SHC4: variants seen among roughly 807,000 people sequenced by gnomAD.
The protein encoded by SHC4 is SHC-transforming protein 4.
Under a neutral mutation model 69.4 loss-of-function variants are expected in SHC4, and 41 were observed. The observed-to-expected ratio is 0.59, with a 90% CI of 0.46 to 0.77. The LOEUF (loss-of-function observed/expected upper bound fraction) is 0.77. Among genes scored for constraint, SHC4 ranks in the 30% least tolerant of loss-of-function variants. The probability of loss-of-function intolerance (pLI) is 0.00; values close to 1 mark genes in which losing one functional copy is unlikely to be tolerated. For missense variants in SHC4, 777 were observed against 783.8 expected, an observed-to-expected ratio of 0.99 and a Z score of 0.10; for synonymous variants, 318 against 299.3, an observed-to-expected ratio of 1.06 and a Z score of -0.64.
intron 1 of SHC4, among the ~76,000 whole-genome samples, chr15:48,936,142 T>C (rs1445439094): frequency 1.3e-5 from 2 of 152,106 alleles, no homozygotes; most frequent in Admixed American, 6.6e-5. Flanking sequence ...TTTTGGTTGA[T>C]TGAATTTGAA....
At chr15:48,829,792 C>T (rs1898762557) in intron 11 of SHC4, among the ~76,000 whole-genome samples, 1 of 152,054 alleles carries the variant, frequency 6.6e-6, no homozygotes, top group Non-Finnish European at 1.5e-5. Context: ...GGTGGCGCAC[C>T]CCTGTGGTCC....
chr15:48,950,427 A>T (rs12915257), intron 1 of SHC4, among the ~76,000 whole-genome samples: 14,938 of 152,020 alleles, frequency 0.098, 927 homozygotes, highest in East Asian at 0.19. Flanking sequence ...ACTGATGTAT[A>T]TGACTGTGTC....
chr15:48,930,908 C>T (rs1264175854), intron 1 of SHC4, among the ~76,000 whole-genome samples: 1 of 152,208 alleles, frequency 6.6e-6, no homozygotes, highest in Non-Finnish European at 1.5e-5. Flanking sequence ...CATGCCTCAA[C>T]TCACAATAGT....
At chr15:48,913,268 T>A (rs1567068188) in intron 2 of SHC4, among the ~76,000 whole-genome samples, 1 of 151,968 alleles carries the variant, frequency 6.6e-6, no homozygotes, top group Non-Finnish European at 1.5e-5. Context: ...CAGGTCTTGA[T>A]GTGGCTGCTG....
chr15:48,962,817 G>A lies in SHC4; in HGVS notation c.199C>T (p.Leu67=), dbSNP rs745717876. ...GGCAAGGTGGCATCTTCAGTCGGCA[G>A]GTGAGGTGCCAGGGCGGGGTGGGGA... ...QPPHPALAPH[L]PTEDATLPSQ... Residue 67 remains leucine (L), a synonymous_variant, in exon 1 of 12, where the codon CTG becomes TTG. Coordinates refer to ENST00000332408, the MANE Select transcript of SHC4 (RefSeq NM_203349.4). The A allele has an allele frequency of 1.9e-6, 3 of 1,612,830 alleles. No individual in the cohort carries two copies. Among genetic ancestry groups the A allele is most frequent in the Non-Finnish European group, 2.5e-6 (3 of 1,179,964 alleles).
chr15:48,839,363 T>C (rs1567049284), intron 10 of SHC4, among the ~76,000 whole-genome samples: 2 of 152,120 alleles, frequency 1.3e-5, no homozygotes, highest in South Asian at 4.1e-4. Context: ...CAGTGGGAAA[T>C]AGCCTGTAAA....
chr15:48,879,540 ATTTTG>A (rs1899898330), intron 4 of SHC4: 1 of 167,092 alleles, frequency 6.0e-6, no homozygotes, highest in Admixed American at 6.5e-5. Flanking sequence ...TACTAGAGAA[ATTTTG>A]TTTTGCTTGC....
In SHC4 at chr15:48,957,257, C is replaced by T. The variant is rs143741189; in HGVS notation, c.585+5174G>A. On this transcript the variant is annotated intron_variant, in intron 1 of 11. Transcript: ENST00000332408. ...CCTCCCTAAGTGCTGGGGTTACAGG[C>T]ATGAGCCACTGTGCCTGGCTGAAAC... is the stretch of plus-strand genomic sequence containing the variant. Among the ~76,000 whole-genome samples, 417 of 152,244 alleles carry T rather than the reference C, an allele frequency of 2.7e-3. 1 individual carries two copies. Among genetic ancestry groups the T allele is most frequent in the African/African-American group, 9.7e-3 (401 of 41,526 alleles).
chr15:48,896,029 A>G (rs901278559), intron 2 of SHC4, among the ~76,000 whole-genome samples: 1 of 152,182 alleles, frequency 6.6e-6, no homozygotes, highest in South Asian at 2.1e-4. Context: ...TCAAGGCTGC[A>G]GTGAGTTAGG....
chr15:48,874,981 T>C (rs1899765307), intron 4 of SHC4, among the ~76,000 whole-genome samples: 1 of 152,218 alleles, frequency 6.6e-6, no homozygotes, highest in African/African-American at 2.4e-5. Context: ...AAGCTAACCC[T>C]AGCCAAAATG....
chr15:48,878,239 G>A, intron 4 of SHC4: 1 of 1,610,094 alleles, frequency 6.2e-7, no homozygotes, highest in South Asian at 1.1e-5. Context: ...AGATGGATGT[G>A]ATGCCTGGCG....
chr15:48,958,621 C>T (rs968051586), intron 1 of SHC4, among the ~76,000 whole-genome samples: 1 of 152,210 alleles, frequency 6.6e-6, no homozygotes, highest in Non-Finnish European at 1.5e-5. Flanking sequence ...ACCCTACATT[C>T]ATTAAATACT....
chr15:48,873,705 C>T (rs1899739727), intron 4 of SHC4, among the ~76,000 whole-genome samples: 1 of 151,856 alleles, frequency 6.6e-6, no homozygotes, highest in South Asian at 2.1e-4. Context: ...CATGCCACTG[C>T]ACTCCAGCCT....
chr15:48,934,011 C>G (rs796930048), intron 1 of SHC4, among the ~76,000 whole-genome samples: 60 of 152,154 alleles, frequency 3.9e-4, no homozygotes, highest in African/African-American at 1.3e-3. Context: ...AATCACAGGA[C>G]CTCAGAATAG....
At chr15:48,838,300 T>A (rs1425367931) in intron 10 of SHC4, among the ~76,000 whole-genome samples, 1 of 152,218 alleles carries the variant, frequency 6.6e-6, no homozygotes, top group African/African-American at 2.4e-5. Flanking sequence ...TGTTGCTCCG[T>A]GCATGGCCAC....
intron 6 of SHC4, 101 bp from the exon 7 acceptor site, chr15:48,857,916 A>G: frequency 1.1e-6 from 1 of 907,708 alleles, no homozygotes; most frequent in Non-Finnish European, 1.5e-6. Flanking sequence ...ATAATTGAAT[A>G]AAAGGGAGCA....
intron 6 of SHC4, among the ~76,000 whole-genome samples, chr15:48,864,608 C>T (rs953038350): frequency 1.3e-5 from 2 of 151,844 alleles, no homozygotes; most frequent in African/African-American, 4.8e-5. Flanking sequence ...CCACCACACC[C>T]AGCTAATTTT....
At chr15:48,939,709 G>C (rs1426004239) in intron 1 of SHC4, among the ~76,000 whole-genome samples, 5 of 152,170 alleles carry the variant, frequency 3.3e-5, no homozygotes, top group African/African-American at 1.2e-4. Flanking sequence ...TCTTTCATGA[G>C]TTTCCCAACT....
At chr15:48,916,277 A>T (rs1300510857) in intron 2 of SHC4, among the ~76,000 whole-genome samples, 3 of 14,326 alleles carry the variant, frequency 2.1e-4, no homozygotes, top group Non-Finnish European at 2.7e-4. Context: ...GGTTGCTCAC[A>T]CACACACACA....
Sources: gnomAD v4.1 joint callset for allele counts (sites outside exome capture counted in the v4.1 genomes callset) on GRCh38, gnomAD v4.1.1 for gene constraint, MANE v1.5 for transcripts, NCBI Gene and HGNC (gene_info 2026-07-23, HGNC 2026-07-21) for gene names.